CACNA2D3: variants seen among roughly 807,000 people sequenced by gnomAD.
CACNA2D3 encodes calcium voltage-gated channel auxiliary subunit alpha2delta 3, also known as voltage-dependent calcium channel subunit alpha-2/delta-3.
In CACNA2D3, 60 loss-of-function variants were observed where a neutral mutation model predicts 160.6. The observed-to-expected ratio is 0.37, with a 90% confidence interval of 0.30 to 0.46. The LOEUF is 0.46. Among genes scored for constraint, CACNA2D3 ranks in the 20% least tolerant of loss-of-function variants. The probability of loss-of-function intolerance (pLI) is 1.00; values close to 1 mark genes in which losing one functional copy is unlikely to be tolerated. For synonymous variants in CACNA2D3, 558 were observed against 492.9 expected (o/e 1.13, Z -1.75); for missense variants, 1,205 against 1,365.0 (o/e 0.88, Z 1.85).
chr3:54,969,529 G>A (rs935201990), intron 28 of CACNA2D3, among the ~76,000 whole-genome samples: 1 of 152,044 alleles, frequency 6.6e-6, no homozygotes, highest in African/African-American at 2.4e-5. Context: ...CAAAGTGCAG[G>A]GATTACAGGT....
intron 11 of CACNA2D3, among the ~76,000 whole-genome samples, chr3:54,722,879 C>A (rs1451905108): frequency 2.0e-5 from 3 of 152,108 alleles, no homozygotes; most frequent in Admixed American, 1.3e-4. Flanking sequence ...GGTCAGGGAC[C>A]GACTTGAGGA....
Position 55,074,382 on chromosome 3 carries a change from A to C in CACNA2D3, c.*176A>C, listed in dbSNP as rs1236567257. On this transcript the variant is annotated 3_prime_UTR_variant, in exon 38 of 38. Transcript: ENST00000474759. Reference sequence around the variant, plus strand: ...TAAACTCTTAAAGATATGTTGACAAAAAGTTATCTATCATCTTTTTACTTT... The same window carrying C: ...TAAACTCTTAAAGATATGTTGACAACAAGTTATCTATCATCTTTTTACTTT... The C allele has an allele frequency of 1.4e-5, 8 of 582,318 alleles. No individual in the cohort carries two copies. Among genetic ancestry groups the C allele is most frequent in the South Asian group, 4.2e-5 (2 of 47,706 alleles). The allele number at this position is 582,318 out of a possible 1,614,324, so 36.1% of individuals were successfully genotyped here.
intron 11 of CACNA2D3, among the ~76,000 whole-genome samples, chr3:54,656,950 A>G (rs1416296534): frequency 3.3e-5 from 5 of 152,258 alleles, no homozygotes; most frequent in South Asian, 4.1e-4. Context: ...TGTGAGCAAC[A>G]TGGCTGTTTA....
At chr3:54,554,393 A>G (rs2106691208) in intron 5 of CACNA2D3, among the ~76,000 whole-genome samples, 1 of 152,230 alleles carries the variant, frequency 6.6e-6, no homozygotes, top group East Asian at 1.9e-4. Context: ...TTTGTCGAGT[A>G]AACAAATGAA....
chr3:54,402,002 GA>G (rs1043305883), intron 4 of CACNA2D3, among the ~76,000 whole-genome samples: 1 of 152,126 alleles, frequency 6.6e-6, no homozygotes, highest in African/African-American at 2.4e-5. Flanking sequence ...ATTGTTGGGA[GA>G]GGGCAAAAGT....
rs1702355955 is a variant in CACNA2D3, at chr3:54,259,090, G to A, written c.205-61352G>A. The stretch of plus-strand genomic sequence containing the variant: ...AAGCTTCAGCCACAATGTGGGCAGG[G>A]GCCCAGGCTTGGCCCACCAATGTCT... On this transcript the variant is annotated intron_variant, in intron 2 of 37. Coordinates refer to ENST00000474759, the MANE Select transcript of CACNA2D3 (RefSeq NM_018398.3). 7.2e-5 allele frequency among the ~76,000 whole-genome samples: 11 copies of A among 152,278 alleles called. No homozygotes were observed. The South Asian group carries it at 2.3e-3, about 32-fold the overall frequency.
intron 11 of CACNA2D3, among the ~76,000 whole-genome samples, chr3:54,747,823 T>C (rs990055428): frequency 5.9e-5 from 9 of 152,316 alleles, no homozygotes; most frequent in African/African-American, 2.2e-4. Flanking sequence ...TCTTTGATCA[T>C]ATGCCATCTT....
At chr3:54,976,970 T>C (rs1227316789) in intron 29 of CACNA2D3, among the ~76,000 whole-genome samples, 1 of 152,208 alleles carries the variant, frequency 6.6e-6, no homozygotes, top group Non-Finnish European at 1.5e-5. Context: ...TAAAAAGTTA[T>C]TTTGAATATT....
intron 11 of CACNA2D3, among the ~76,000 whole-genome samples, chr3:54,693,438 T>TA (rs1657934197): frequency 6.6e-6 from 1 of 152,238 alleles, no homozygotes; most frequent in African/African-American, 2.4e-5. Flanking sequence ...TCAACAGTCA[T>TA]ATAAAAGTAT....
At chr3:54,793,643 C>T (rs1238604264) in intron 13 of CACNA2D3, among the ~76,000 whole-genome samples, 4 of 152,128 alleles carry the variant, frequency 2.6e-5, no homozygotes, top group Non-Finnish European at 5.9e-5. Context: ...TGAGGCCATC[C>T]CCCACGTAAC....
At chr3:54,780,949 C>T (rs753015273) in intron 13 of CACNA2D3, among the ~76,000 whole-genome samples, 4 of 152,066 alleles carry the variant, frequency 2.6e-5, no homozygotes, top group South Asian at 2.1e-4. Context: ...TATGACAATA[C>T]GTATGTAACA....
intron 17 of CACNA2D3, among the ~76,000 whole-genome samples, chr3:54,868,518 A>T (rs1699454587): frequency 6.6e-6 from 1 of 152,120 alleles, no homozygotes; most frequent in South Asian, 2.1e-4. Flanking sequence ...TTATTGAGAG[A>T]TTATAAAAAA....
At chr3:54,934,452 A>G (rs1176398359) in intron 27 of CACNA2D3, among the ~76,000 whole-genome samples, 1 of 152,186 alleles carries the variant, frequency 6.6e-6, no homozygotes, top group African/African-American at 2.4e-5. Flanking sequence ...GGTTCAAGGA[A>G]TGCCTAGGAT....
chr3:55,048,067 CT>C (rs1704101530), intron 35 of CACNA2D3, among the ~76,000 whole-genome samples: 1 of 139,710 alleles, frequency 7.2e-6, no homozygotes, highest in African/African-American at 2.8e-5. Flanking sequence ...TTGACTTCCT[CT>C]TTTCCTAATT....
chr3:54,727,484 A>G lies in CACNA2D3; in HGVS notation c.1168-25115A>G, dbSNP rs541418016. ...TATGTTTATTGCAGCACTATTCACA[A>G]TAGCAAAGACTTGGAACCAACCCAA... On this transcript the variant is annotated intron_variant, in intron 11 of 37. Transcript: ENST00000474759. 9.8e-5 allele frequency among the ~76,000 whole-genome samples: 15 copies of G among 152,362 alleles called. No homozygotes were observed. In the East Asian group the frequency reaches 2.9e-3, roughly 29 times the overall value.
At chr3:54,925,049 T>C in intron 27 of CACNA2D3, 1 of 1,614,120 alleles carries the variant, frequency 6.2e-7, no homozygotes. Flanking sequence ...TCTGATTATC[T>C]TGTAAATGCA....
chr3:54,759,710 A>C (rs1264031647), intron 12 of CACNA2D3, among the ~76,000 whole-genome samples: 2 of 152,186 alleles, frequency 1.3e-5, no homozygotes, highest in Non-Finnish European at 2.9e-5. Context: ...GGACAGTCAT[A>C]TATTGCCCCA....
intron 2 of CACNA2D3, among the ~76,000 whole-genome samples, chr3:54,293,529 A>G (rs1037195695): frequency 1.3e-5 from 2 of 151,532 alleles, no homozygotes; most frequent in African/African-American, 2.4e-5. Context: ...GAATGCCATT[A>G]CTTCATTCCT....
intron 3 of CACNA2D3, among the ~76,000 whole-genome samples, chr3:54,358,381 C>T (rs1375650840): frequency 6.6e-6 from 1 of 152,220 alleles, no homozygotes; most frequent in Non-Finnish European, 1.5e-5. Context: ...GGAAAGGACA[C>T]CTCCTCCCCT....
Sources: gnomAD v4.1 joint callset for allele counts (sites outside exome capture counted in the v4.1 genomes callset) on GRCh38, gnomAD v4.1.1 for gene constraint, MANE v1.5 for transcripts, NCBI Gene and HGNC (gene_info 2026-07-23, HGNC 2026-07-21) for gene names.